Variants in SESN1 observed in about 807,000 individuals in gnomAD.
The protein encoded by SESN1 is sestrin 1.
Under a neutral mutation model 59.3 loss-of-function variants are expected in SESN1, and 30 were observed. The ratio of observed to expected loss-of-function variants is 0.51; its 90% CI spans 0.38 to 0.69. The LOEUF (loss-of-function observed/expected upper bound fraction) is 0.69. SESN1 is among the 30% of genes least tolerant of loss of function. The pLI, the probability that SESN1 is intolerant of heterozygous loss-of-function variation, is 0.00. For synonymous variants in SESN1, 197 were observed against 219.9 expected (o/e 0.90, Z 0.92); for missense variants, 566 against 673.0 (o/e 0.84, Z 1.76).
Position 109,031,552 on chromosome 6 carries a change from G to A in SESN1, c.280-29209C>T, listed in dbSNP as rs143031983. Among the ~76,000 whole-genome samples, 1,070 of 152,200 alleles carry A rather than the reference G, an allele frequency of 7.0e-3. 11 individuals carry two copies. The highest frequency in any genetic ancestry group is 0.024 in the African/African-American group (999 of 41,524). The stretch of plus-strand genomic sequence containing the variant: ...TCAGCCTAAAGTTAGAAGTCACTGC[G>A]TTGGAGAACCCTTCCCTGACCCCTC... On this transcript the variant is annotated intron_variant, in intron 1 of 9. Coordinates refer to ENST00000436639, the MANE Select transcript of SESN1 (RefSeq NM_014454.3).
intron 1 of SESN1, among the ~76,000 whole-genome samples, chr6:109,044,311 C>CAAAAA (rs71015570): frequency 1.8e-4 from 5 of 28,458 alleles, no homozygotes; most frequent in African/African-American, 4.0e-4. Context: ...GAACTTGCCT[C>CAAAAA]AAAAAAAAAA....
intron 1 of SESN1, among the ~76,000 whole-genome samples, chr6:109,047,805 G>T (rs2114434201): frequency 6.9e-6 from 1 of 144,720 alleles, no homozygotes; most frequent in African/African-American, 2.5e-5. Context: ...CCCCAACCCT[G>T]TGCTCTCTGA....
At chr6:109,014,330 C>T (rs1211504219) in intron 1 of SESN1, among the ~76,000 whole-genome samples, 1 of 152,166 alleles carries the variant, frequency 6.6e-6, no homozygotes, top group Non-Finnish European at 1.5e-5. Flanking sequence ...CAACACTTTA[C>T]ATGTATAAAG....
At chr6:109,005,080 C>G (rs1195428701) in intron 1 of SESN1, among the ~76,000 whole-genome samples, 1 of 152,148 alleles carries the variant, frequency 6.6e-6, no homozygotes, top group African/African-American at 2.4e-5. Context: ...AAGTGTTAAC[C>G]TACAGATGTG....
intron 1 of SESN1, among the ~76,000 whole-genome samples, chr6:109,093,238 A>G (rs907589305): frequency 5.3e-5 from 8 of 152,218 alleles, no homozygotes; most frequent in African/African-American, 1.9e-4. Flanking sequence ...AAGTGTTTCT[A>G]TCAAATACCC....
At chr6:109,011,442 T>TA (rs1331399581) in intron 1 of SESN1, among the ~76,000 whole-genome samples, 1 of 152,106 alleles carries the variant, frequency 6.6e-6, no homozygotes, top group Non-Finnish European at 1.5e-5. Flanking sequence ...TTCAAGCCAT[T>TA]AAATGTCAAG....
intron 1 of SESN1, among the ~76,000 whole-genome samples, chr6:109,072,196 A>G (rs1419929878): frequency 6.6e-6 from 1 of 152,206 alleles, no homozygotes; most frequent in Admixed American, 6.5e-5. Context: ...ATACAGCTTT[A>G]TCCTCTAACA....
intron 1 of SESN1, among the ~76,000 whole-genome samples, chr6:109,041,432 G>A (rs541225866): frequency 4.6e-5 from 7 of 151,998 alleles, no homozygotes; most frequent in Admixed American, 1.3e-4. Flanking sequence ...AAGTACTTAC[G>A]CCACTAACAA....
At chr6:109,037,479 T>C (rs1298607568) in intron 1 of SESN1, among the ~76,000 whole-genome samples, 1 of 152,156 alleles carries the variant, frequency 6.6e-6, no homozygotes, top group Non-Finnish European at 1.5e-5. Context: ...ATTCCCTCCA[T>C]TACACAATGC....
chr6:108,990,960 C>T (rs1464100652), intron 7 of SESN1, 125 bp from the exon 8 acceptor site: 3 of 723,164 alleles, frequency 4.1e-6, no homozygotes, highest in Non-Finnish European at 6.6e-6. Context: ...TTATCCCTAA[C>T]TCCCAGCTTC....
At chr6:109,056,433 T>G (rs1018865382) in intron 1 of SESN1, among the ~76,000 whole-genome samples, 10 of 152,112 alleles carry the variant, frequency 6.6e-5, no homozygotes, top group African/African-American at 2.4e-4. Flanking sequence ...AAAGCAATTT[T>G]CTGGGCTACT....
Position 108,986,926 on chromosome 6 carries a change from A to G in SESN1, c.*618T>C, listed in dbSNP as rs1779214064. On this transcript the variant is annotated 3_prime_UTR_variant, in exon 10 of 10. Transcript: ENST00000436639. ...AACCCTGAATTTAAAAAACTAATGA[A>G]AGAAATTAACTGTTACCATCAAAAT... The G allele has an allele frequency of 6.6e-6, 1 of 152,594 alleles. No homozygotes were observed. Among genetic ancestry groups the G allele is most frequent in the South Asian group, 2.1e-4 (1 of 4,836 alleles). 9.5% of individuals were successfully genotyped at this position (152,594 alleles called of 1,614,324 possible).
At chr6:109,027,142 C>T (rs748126695) in intron 1 of SESN1, among the ~76,000 whole-genome samples, 12 of 151,872 alleles carry the variant, frequency 7.9e-5, no homozygotes, top group Non-Finnish European at 1.8e-4. Flanking sequence ...TGCATTCCAG[C>T]CTCAGTGACA....
intron 1 of SESN1, among the ~76,000 whole-genome samples, chr6:109,021,574 A>T (rs561701097): frequency 5.3e-5 from 8 of 152,076 alleles, no homozygotes; most frequent in African/African-American, 1.9e-4. Flanking sequence ...ATTAGCTGGG[A>T]CTACGGATGC....
In SESN1 at chr6:109,004,405, TTACTA is replaced by T. The variant is rs370589177; in HGVS notation, c.280-2067_280-2063del. Among the ~76,000 whole-genome samples the T allele has an allele frequency of 1.1e-3, 168 of 151,896 alleles. 1 individual carries two copies. The highest frequency in any genetic ancestry group is 3.9e-3 in the African/African-American group (163 of 41,454). ...CAAAGGGCTAAATTTTAAAGAAAGATTACTATAAATCAATACGAAAATCCCCAACA... is the reference window on the plus strand; with the variant it reads ...CAAAGGGCTAAATTTTAAAGAAAGATTAAATCAATACGAAAATCCCCAACA... On this transcript the variant is annotated intron_variant, in intron 1 of 9. Transcript: ENST00000436639.
intron 1 of SESN1, among the ~76,000 whole-genome samples, chr6:109,079,152 G>A (rs1202233888): frequency 2.7e-5 from 4 of 150,058 alleles, no homozygotes; most frequent in Non-Finnish European, 5.9e-5. Context: ...TCTAGCCTGG[G>A]GTCAAATTTT....
At chr6:108,992,483 T>C (rs1027450554) in intron 7 of SESN1, among the ~76,000 whole-genome samples, 2 of 152,144 alleles carry the variant, frequency 1.3e-5, no homozygotes, top group African/African-American at 2.4e-5. Flanking sequence ...TCTGGTAAAA[T>C]AGTTATTATT....
chr6:109,040,693 C>T (rs1186634314), intron 1 of SESN1, among the ~76,000 whole-genome samples: 1 of 151,074 alleles, frequency 6.6e-6, no homozygotes, highest in Admixed American at 6.6e-5. Flanking sequence ...CGCTCTGTCG[C>T]CCAGGCTGGA....
At chr6:109,086,403 G>T (rs1781214269) in intron 1 of SESN1, among the ~76,000 whole-genome samples, 2 of 152,230 alleles carry the variant, frequency 1.3e-5, no homozygotes, top group Admixed American at 6.5e-5. Flanking sequence ...GCTACTTTCT[G>T]TCAGACCAAA....
Sources: gnomAD v4.1 joint callset for allele counts (sites outside exome capture counted in the v4.1 genomes callset) on GRCh38, gnomAD v4.1.1 for gene constraint, MANE v1.5 for transcripts, NCBI Gene and HGNC (gene_info 2026-07-23, HGNC 2026-07-21) for gene names.